Variants in SMARCC1 observed in about 807,000 individuals in gnomAD.
SMARCC1 encodes SWI/SNF related BAF chromatin remodeling complex subunit C1, also known as SWI/SNF complex subunit SMARCC1.
In SMARCC1, 43 loss-of-function variants were observed where a neutral mutation model predicts 147.4. The observed-to-expected ratio is 0.29, with a 90% CI of 0.23 to 0.38. The LOEUF (loss-of-function observed/expected upper bound fraction) is 0.38, where lower values mean the gene tolerates loss of function less well. Among genes scored for constraint, SMARCC1 ranks in the 10% least tolerant of loss-of-function variants. SMARCC1 has a pLI of 1.00. For missense variants in SMARCC1, 1,119 were observed against 1,381.1 expected, an observed-to-expected ratio of 0.81 and a Z score of 3.01; for synonymous variants, 495 against 484.4, an observed-to-expected ratio of 1.02 and a Z score of -0.29.
intron 22 of SMARCC1, among the ~76,000 whole-genome samples, chr3:47,636,788 A>ATGTGTGTGTG (rs35445330): frequency 2.0e-4 from 16 of 80,662 alleles, no homozygotes; most frequent in African/African-American, 4.3e-4. Context: ...AAATATATAT[A>ATGTGTGTGTG]TGTGTGTGTG....
intron 9 of SMARCC1, among the ~76,000 whole-genome samples, chr3:47,708,988 T>C (rs1036902386): frequency 2.6e-5 from 4 of 152,154 alleles, no homozygotes; most frequent in Non-Finnish European, 5.9e-5. Context: ...TGGCAAGGCA[T>C]AGTGGCTCAT....
At position 47,735,924 on chromosome 3, in the gene SMARCC1, A is replaced by G. The variant is rs941385348; in HGVS notation, c.576+110T>C. The G allele has an allele frequency of 1.1e-5, 6 of 524,824 alleles. No homozygotes were observed. The African/African-American group carries it at 1.2e-4, about 11-fold the overall frequency. The allele number at this position is 524,824 out of a possible 1,614,324, so 32.5% of individuals were successfully genotyped here. A position where few individuals can be genotyped will look rare whatever the true frequency, so the allele number is the denominator to read the frequency against. ...CAAGAAAAAAATTTCTTTTGATGCA[A>G]ATATATCAAAAAATCCAAAACATTA... On this transcript the variant is annotated intron_variant, in intron 5 of 27. Transcript: ENST00000254480.
chr3:47,644,928 G>C lies in SMARCC1; in HGVS notation c.2321-6148C>G, dbSNP rs950343309. ...CTTTATTAACTGTATCATCCTCTTG[G>C]TATTCCATGAAACGGCAAGGTGGGG... On this transcript the variant is annotated intron_variant, in intron 21 of 27. Coordinates refer to ENST00000254480, the MANE Select transcript of SMARCC1 (RefSeq NM_003074.4). Among the ~76,000 whole-genome samples, 10 of 152,002 alleles carry C rather than the reference G, an allele frequency of 6.6e-5. No individual in the cohort carries two copies. In the East Asian group the frequency reaches 1.7e-3, roughly 26 times the overall value.
At chr3:47,683,756 G>C (rs1253666898) in intron 14 of SMARCC1, among the ~76,000 whole-genome samples, 2 of 151,980 alleles carry the variant, frequency 1.3e-5, no homozygotes, top group East Asian at 1.9e-4. Flanking sequence ...CCAAGATTTT[G>C]AGTAATGGCA....
chr3:47,657,995 TA>T (rs900319363), intron 21 of SMARCC1, among the ~76,000 whole-genome samples: 3 of 151,346 alleles, frequency 2.0e-5, no homozygotes, highest in African/African-American at 7.3e-5. Flanking sequence ...AAAGCAAATT[TA>T]ACCCAAAGCA....
At chr3:47,623,974 C>G (rs574717061) in intron 24 of SMARCC1, among the ~76,000 whole-genome samples, 3 of 150,904 alleles carry the variant, frequency 2.0e-5, no homozygotes, top group East Asian at 1.9e-4. Context: ...TAAAATAATA[C>G]CAAAATATTT....
Position 47,585,683 on chromosome 3 carries a change from T to C in SMARCC1, c.*2526A>G, listed in dbSNP as rs763035376. 6.6e-6 allele frequency: 1 copy of C among 152,198 alleles called. No homozygotes were observed. The highest frequency in any genetic ancestry group is 1.5e-5 in the Non-Finnish European group (1 of 68,034). 9.4% of individuals were successfully genotyped at this position (152,198 alleles called of 1,614,324 possible). On this transcript the variant is annotated 3_prime_UTR_variant, in exon 28 of 28. Coordinates refer to ENST00000254480, the MANE Select transcript of SMARCC1 (RefSeq NM_003074.4). ...ATCATTTTTGGAGAACTTCCACTCA[T>C]TTTCACTTTGACCATGCAAATGAAC...
chr3:47,746,025 A>T, intron 2 of SMARCC1, 32 bp from the exon 3 acceptor site: 1 of 1,408,340 alleles, frequency 7.1e-7, no homozygotes, highest in Non-Finnish European at 9.7e-7. Flanking sequence ...CATGAGAAAA[A>T]TAAAGCTTCT....
At chr3:47,611,086 T>C (rs1282185585) in intron 25 of SMARCC1, among the ~76,000 whole-genome samples, 1 of 152,338 alleles carries the variant, frequency 6.6e-6, no homozygotes, top group East Asian at 1.9e-4. Context: ...TATGTTTAGT[T>C]CAGAGAATGA....
chr3:47,636,716 T>C (rs558630633), intron 22 of SMARCC1, among the ~76,000 whole-genome samples: 14 of 151,636 alleles, frequency 9.2e-5, no homozygotes, highest in Non-Finnish European at 1.2e-4. Flanking sequence ...GATCACACCA[T>C]TGCACTCTAG....
Position 47,720,662 on chromosome 3 carries a change from T to C in SMARCC1, c.716+4A>G. 6.3e-7 allele frequency: 1 copy of C among 1,592,700 alleles called. No homozygotes were observed. Among genetic ancestry groups the C allele is most frequent in the South Asian group, 1.1e-5 (1 of 90,220 alleles). ...TACCAGGTCTCACAGCATATGAACATTACCTGTCTGGGTAAAAGCCCCAAT... is the reference window on the plus strand; with the variant it reads ...TACCAGGTCTCACAGCATATGAACACTACCTGTCTGGGTAAAAGCCCCAAT... On this transcript the variant is annotated splice_donor_region_variant and intron_variant, in intron 7 of 27. Coordinates refer to ENST00000254480, the MANE Select transcript of SMARCC1 (RefSeq NM_003074.4).
At chr3:47,689,320 C>T (rs2033764594) in intron 13 of SMARCC1, 67 bp downstream of exon 13, 1 of 1,301,086 alleles carries the variant, frequency 7.7e-7, no homozygotes, top group Middle Eastern at 1.8e-4. Context: ...CAATTCAGTG[C>T]TTCTACTGTT....
In SMARCC1 at chr3:47,729,057, T is replaced by C; in HGVS notation, c.614A>G (p.His205Arg). The C allele has an allele frequency of 4.3e-6, 7 of 1,612,632 alleles. No individual in the cohort carries two copies. Among genetic ancestry groups the C allele is most frequent in the Non-Finnish European group, 5.9e-6 (7 of 1,178,938 alleles). Reference sequence around the variant, plus strand: ...TTGTGAGGAAGAATATGGGTAAATGTGGTGGGAAGCTTTTGACTTCTCATC... The same window carrying C: ...TTGTGAGGAAGAATATGGGTAAATGCGGTGGGAAGCTTTTGACTTCTCATC... ...FTDEKSKASH[H>R]IYPYSSSQDD... Residue 205 changes from histidine (H) to arginine (R), a missense_variant, in exon 6 of 28, where the codon CAC becomes CGC. Physicochemically the swap from His to Arg is conservative, Grantham distance 29. Around this residue, in one of 6 missense-constraint regions of SMARCC1, gnomAD observed 542 missense variants for 611.8 expected, o/e 0.89. Transcript: ENST00000254480.
chr3:47,745,520 C>T (rs1333468116), intron 3 of SMARCC1, among the ~76,000 whole-genome samples: 1 of 152,042 alleles, frequency 6.6e-6, no homozygotes, highest in African/African-American at 2.4e-5. Context: ...TGAGAGCAGC[C>T]TGACCAACAT....
chr3:47,611,866 A>C (rs536378787), intron 25 of SMARCC1, among the ~76,000 whole-genome samples: 24 of 152,318 alleles, frequency 1.6e-4, no homozygotes, highest in African/African-American at 5.5e-4. Context: ...GCAGGCTAAG[A>C]GGAGAACAAA....
chr3:47,655,719 A>AATC (rs1372197050), intron 21 of SMARCC1, among the ~76,000 whole-genome samples: 1 of 152,010 alleles, frequency 6.6e-6, no homozygotes, highest in Non-Finnish European at 1.5e-5. Context: ...AAATAATAAT[A>AATC]ATTAAAAAGA....
intron 26 of SMARCC1, among the ~76,000 whole-genome samples, chr3:47,600,931 GTA>G (rs2106653708): frequency 6.8e-6 from 1 of 146,632 alleles, no homozygotes; most frequent in African/African-American, 2.5e-5. Flanking sequence ...AGTAAAGGAT[GTA>G]TGTCTTTTCC....
At chr3:47,676,882 T>A in intron 16 of SMARCC1, 100 bp from the exon 17 acceptor site, 1 of 996,480 alleles carries the variant, frequency 1.0e-6, no homozygotes, top group Non-Finnish European at 1.5e-6. Context: ...ATAAAACCAG[T>A]AAATGTGCTC....
At chr3:47,721,668 C>A (rs2034234596) in intron 6 of SMARCC1, among the ~76,000 whole-genome samples, 1 of 152,016 alleles carries the variant, frequency 6.6e-6, no homozygotes, top group African/African-American at 2.4e-5. Flanking sequence ...AGCCCTCATA[C>A]CTGTGCTGTT....
Sources: allele counts gnomAD v4.1 joint callset (sites outside exome capture counted in the v4.1 genomes callset), GRCh38; gene constraint gnomAD v4.1.1; regional missense constraint gnomAD v4.1.1; transcripts MANE v1.5; gene names NCBI Gene and HGNC (gene_info 2026-07-23, HGNC 2026-07-21).